Variants in PPP1R12A observed in about 807,000 individuals in gnomAD.
The protein encoded by PPP1R12A is myosin binding subunit.
Under a neutral mutation model 139.6 loss-of-function variants are expected in PPP1R12A, and 19 were observed. That is an observed-to-expected ratio of 0.14 (90% CI 0.09 to 0.20). The LOEUF is 0.20. Among genes scored for constraint, PPP1R12A ranks in the 10% least tolerant of loss-of-function variants. The probability of loss-of-function intolerance (pLI) is 1.00; values close to 1 mark genes in which losing one functional copy is unlikely to be tolerated. For synonymous variants in PPP1R12A, 427 were observed against 420.6 expected (o/e 1.02, Z -0.19); for missense variants, 925 against 1,211.5 (o/e 0.76, Z 3.51).
In PPP1R12A at chr12:79,775,917, CTTTTT is replaced by C; in HGVS notation, c.*7_*11del. 4 of 1,304,124 alleles carry C rather than the reference CTTTTT, an allele frequency of 3.1e-6. No individual in the cohort carries two copies. Among genetic ancestry groups the C allele is most frequent in the Non-Finnish European group, 4.2e-6 (4 of 949,388 alleles). 80.8% of individuals were successfully genotyped at this position (1,304,124 alleles called of 1,614,324 possible). ...ATATGTGCAATTCCATTACTTGCTGCTTTTTTTTTTTTTATTTGGAAAGTTTGCTT... is the reference window on the plus strand; with the variant it reads ...ATATGTGCAATTCCATTACTTGCTGCTTTTTTTTATTTGGAAAGTTTGCTT... On this transcript the variant is annotated 3_prime_UTR_variant, in exon 25 of 25. Transcript: ENST00000450142.
At chr12:79,814,487 AAAAAAAAAAAAAAG>A (rs1018643495) in intron 9 of PPP1R12A, among the ~76,000 whole-genome samples, 4 of 144,876 alleles carry the variant, frequency 2.8e-5, no homozygotes, top group East Asian at 2.0e-4. Flanking sequence ...AAAAAAAAAA[AAAAAAAAAAAAAAG>A]GACTCCCCCT....
chr12:79,894,310 A>G (rs1171129806), intron 1 of PPP1R12A, among the ~76,000 whole-genome samples: 1 of 152,206 alleles, frequency 6.6e-6, no homozygotes, highest in Non-Finnish European at 1.5e-5. Flanking sequence ...TAATAAAGTC[A>G]GGCAAAAAGA....
intron 23 of PPP1R12A, among the ~76,000 whole-genome samples, chr12:79,781,257 C>G (rs1172649861): frequency 6.6e-6 from 1 of 151,982 alleles, no homozygotes; most frequent in Non-Finnish European, 1.5e-5. Flanking sequence ...TAAAAACTTG[C>G]AGAAAGACAT....
At chr12:79,832,534 T>C (rs746648433) in intron 3 of PPP1R12A, 43 bp from the exon 4 acceptor site, 1 of 1,528,318 alleles carries the variant, frequency 6.5e-7, no homozygotes, top group Non-Finnish European at 8.8e-7. Flanking sequence ...GCTTAAAAAT[T>C]GTTCCATGTT....
chr12:79,896,524 G>A (rs928242457), intron 1 of PPP1R12A, among the ~76,000 whole-genome samples: 2 of 152,050 alleles, frequency 1.3e-5, no homozygotes, highest in Admixed American at 1.3e-4. Context: ...GTAGAGACAG[G>A]TGTTCGCCAC....
chr12:79,808,985 A>G (rs1451715266), intron 10 of PPP1R12A, among the ~76,000 whole-genome samples: 3 of 152,170 alleles, frequency 2.0e-5, no homozygotes, highest in African/African-American at 4.8e-5. Context: ...TTGATAATCA[A>G]TGCTCTCAAA....
intron 8 of PPP1R12A, among the ~76,000 whole-genome samples, chr12:79,820,265 C>T (rs985447473): frequency 1.3e-5 from 2 of 152,114 alleles, no homozygotes; most frequent in African/African-American, 4.8e-5. Flanking sequence ...TAGTTAAAGT[C>T]TTAAGTCGAG....
chr12:79,930,499 G>A (rs1888169290), intron 1 of PPP1R12A, among the ~76,000 whole-genome samples: 1 of 152,108 alleles, frequency 6.6e-6, no homozygotes, highest in Admixed American at 6.6e-5. Context: ...AAGGCTAGGT[G>A]CGGTGGCTCA....
intron 1 of PPP1R12A, among the ~76,000 whole-genome samples, chr12:79,875,516 A>C (rs926835435): frequency 1.3e-5 from 2 of 152,196 alleles, no homozygotes; most frequent in East Asian, 3.9e-4. Context: ...TTTCCTATCT[A>C]TGATAAACAA....
At chr12:79,884,238 A>C (rs956933679) in intron 1 of PPP1R12A, among the ~76,000 whole-genome samples, 1 of 152,178 alleles carries the variant, frequency 6.6e-6, no homozygotes, top group Non-Finnish European at 1.5e-5. Flanking sequence ...GCTCTTTGAA[A>C]GACATTAACA....
intron 1 of PPP1R12A, among the ~76,000 whole-genome samples, chr12:79,925,965 A>G (rs1887811900): frequency 6.6e-6 from 1 of 152,026 alleles, no homozygotes; most frequent in Non-Finnish European, 1.5e-5. Flanking sequence ...CCGTCTCCCT[A>G]TATTGCCCAG....
chr12:79,934,823 T>C lies in PPP1R12A; in HGVS notation c.109A>G (p.Lys37Glu), dbSNP rs1216690648. The C allele has an allele frequency of 6.2e-7, 1 of 1,608,600 alleles. No homozygotes were observed. Residue 37 changes from lysine to glutamate, a missense_variant, in exon 1 of 25, where the codon AAG (lysine) becomes GAG (glutamate). Physicochemically the swap from Lys to Glu is moderately conservative, Grantham distance 56. Transcript: ENST00000450142. ...PVVKRQKTKV[K>E]FDDGAVFLAA... The stretch of plus-strand genomic sequence containing the variant: ...AGGAAGACGGCGCCATCGTCGAACT[T>C]CACCTTGGTCTTCTGGCGCTTCACC...
At chr12:79,785,084 A>T (rs1445828304) in intron 22 of PPP1R12A, among the ~76,000 whole-genome samples, 2 of 152,210 alleles carry the variant, frequency 1.3e-5, no homozygotes, top group African/African-American at 4.8e-5. Flanking sequence ...TGATTAAAAA[A>T]CAGCAACATC....
intron 22 of PPP1R12A, among the ~76,000 whole-genome samples, chr12:79,785,384 G>A (rs1221826070): frequency 1.3e-5 from 2 of 152,010 alleles, no homozygotes; most frequent in Non-Finnish European, 2.9e-5. Flanking sequence ...AAAAGGATCT[G>A]GTAACAAGTT....
chr12:79,863,337 C>A (rs1042486819), intron 2 of PPP1R12A, among the ~76,000 whole-genome samples: 3 of 152,094 alleles, frequency 2.0e-5, no homozygotes, highest in South Asian at 2.1e-4. Flanking sequence ...TGGAAAGGTA[C>A]AACTGGTACC....
intron 1 of PPP1R12A, among the ~76,000 whole-genome samples, chr12:79,907,186 A>C: frequency 6.6e-6 from 1 of 152,178 alleles, no homozygotes; most frequent in East Asian, 1.9e-4. Context: ...ATTATAAGAA[A>C]ATTAAAATGT....
At chr12:79,797,047 T>C (rs1474633760) in intron 16 of PPP1R12A, 97 bp from the exon 17 acceptor site, 27 of 1,397,500 alleles carry the variant, frequency 1.9e-5, no homozygotes, top group Non-Finnish European at 4.9e-6. Flanking sequence ...AGTAGTATAC[T>C]AATCACGCCA....
chr12:79,906,994 TATCTC>T (rs928034669), intron 1 of PPP1R12A, among the ~76,000 whole-genome samples: 2 of 152,292 alleles, frequency 1.3e-5, no homozygotes, highest in South Asian at 4.1e-4. Flanking sequence ...CTACATAAAT[TATCTC>T]AGTAAATCTC....
chr12:79,796,963 A>C lies in PPP1R12A; in HGVS notation c.2293-13T>G, dbSNP rs971388721. ...AACGCTGGTAAGTCTGTGAAACATT[A>C]AGATCAAAACCCATTTGAAACATTA... On this transcript the variant is annotated splice_polypyrimidine_tract_variant and intron_variant, in intron 16 of 24. Transcript: ENST00000450142. The C allele has an allele frequency of 5.7e-6, 9 of 1,589,652 alleles. No homozygotes were observed. The highest frequency in any genetic ancestry group is 1.9e-5 in the Admixed American group (1 of 53,582).
Sources: gnomAD v4.1 joint callset for allele counts (sites outside exome capture counted in the v4.1 genomes callset) on GRCh38, gnomAD v4.1.1 for gene constraint, MANE v1.5 for transcripts, NCBI Gene and HGNC (gene_info 2026-07-23, HGNC 2026-07-21) for gene names.